DNAH10: variants seen among roughly 807,000 people sequenced by gnomAD.
DNAH10 encodes dynein axonemal heavy chain 10.
DNAH10 carries 348 observed loss-of-function variants against 506.6 expected under a neutral mutation model. The ratio of observed to expected loss-of-function variants is 0.69; its 90% CI spans 0.63 to 0.75. The LOEUF (loss-of-function observed/expected upper bound fraction) is 0.75, where lower values mean the gene tolerates loss of function less well. DNAH10 is among the 30% of genes least tolerant of loss of function. The pLI is 0.00. For synonymous variants in DNAH10, 2,059 were observed against 2,198.6 expected (o/e 0.94, Z 1.78); for missense variants, 5,179 against 5,787.1 (o/e 0.89, Z 3.41).
chr12:123,935,538 C>A lies in DNAH10; in HGVS notation c.*57C>A. The A allele has an allele frequency of 1.4e-6, 2 of 1,448,798 alleles. No individual in the cohort carries two copies. 89.7% of individuals were successfully genotyped at this position (1,448,798 alleles called of 1,614,324 possible). A position where few individuals can be genotyped will look rare whatever the true frequency, so the allele number is the denominator to read the frequency against. On this transcript the variant is annotated 3_prime_UTR_variant, in exon 79 of 79. Transcript: ENST00000673944. Reference sequence around the variant, plus strand: ...CGGAGCCTGGGGTTGTCAGAGTGATCGGGTCTGCTGTCATTTCTTGGGGCC... The same window carrying A: ...CGGAGCCTGGGGTTGTCAGAGTGATAGGGTCTGCTGTCATTTCTTGGGGCC...
At position 123,931,731 on chromosome 12, in the gene DNAH10, G is replaced by T; in HGVS notation, c.13012G>T (p.Val4338Leu). The T allele has an allele frequency of 6.2e-7, 1 of 1,614,062 alleles. No homozygotes were observed. The highest frequency in any genetic ancestry group is 1.1e-5 in the South Asian group (1 of 91,084). Reference protein sequence around the residue: ...KMPKVFDLDQVRKRLGTGLSP... With the variant: ...KMPKVFDLDQLRKRLGTGLSP... Reference sequence around the variant, plus strand: ...GCCCAAAGTCTTTGACTTGGACCAGGTGAGGAAGCGCCTCGGAACAGGACT... The same window carrying T: ...GCCCAAAGTCTTTGACTTGGACCAGTTGAGGAAGCGCCTCGGAACAGGACT... Residue 4338 changes from valine (V) to leucine (L), a missense_variant, in exon 75 of 79, where the codon GTG becomes TTG. By Grantham distance (32) the Val-to-Leu change is conservative. This residue lies in a region of DNAH10 where 4,844 missense variants were observed against 5,430.5 expected (regional missense o/e 0.89). Transcript: ENST00000673944.
rs180748576 is a variant in DNAH10, at chr12:123,853,835, C to T, written c.6438+483C>T. ...GCACGCACACACGCACGCACACACA[C>T]GCACACGCACGGACACACGCACGCG... On this transcript the variant is annotated intron_variant, in intron 36 of 78. Coordinates refer to ENST00000673944, the MANE Select transcript of DNAH10 (RefSeq NM_001372106.1). This position sits in a 1 kb window ranked among gnomAD's most constrained non-coding sequence, Gnocchi z 4.7. Among the ~76,000 whole-genome samples, 162 of 149,602 alleles carry T rather than the reference C, an allele frequency of 1.1e-3. No individual in the cohort carries two copies. Among genetic ancestry groups the T allele is most frequent in the Middle Eastern group, 3.4e-3 (1 of 290 alleles).
chr12:123,811,350 G>T (rs7977974), intron 19 of DNAH10, among the ~76,000 whole-genome samples: 34 of 150,572 alleles, frequency 2.3e-4, no homozygotes, highest in African/African-American at 8.3e-4. Context: ...TTGAGATGGA[G>T]TCTTGCTCTT....
At position 123,850,857 on chromosome 12, in the gene DNAH10, GCTT is replaced by G; in HGVS notation, c.6103-27_6103-25del. 1 of 1,589,064 alleles carries G rather than the reference GCTT, an allele frequency of 6.3e-7. No homozygotes were observed. Among genetic ancestry groups the G allele is most frequent in the South Asian group, 1.1e-5 (1 of 88,308 alleles). On this transcript the variant is annotated intron_variant, in intron 34 of 78. Coordinates refer to ENST00000673944, the MANE Select transcript of DNAH10 (RefSeq NM_001372106.1). This position sits in a 1 kb window ranked among gnomAD's most constrained non-coding sequence, Gnocchi z 5.5. ...GGCTGGCCGGCCGGGCCACCTAACT[GCTT>G]CTTTCTTTCTTCCTTCTTGCCCTCC...
chr12:123,898,677 G>A lies in DNAH10; in HGVS notation c.9503G>A (p.Gly3168Glu). Residue 3168 changes from glycine to glutamate, a missense_variant, in exon 56 of 79, where the codon GGA (glycine) becomes GAA (glutamate). Physicochemically the swap from Gly to Glu is moderately conservative, Grantham distance 98. Around this residue, in one of 3 missense-constraint regions of DNAH10, gnomAD observed 4,844 missense variants for 5,430.5 expected, o/e 0.89. Transcript: ENST00000673944. ...NIAQCKRLDG[G>E]LDKLKEATIQ... ...GCTCAGTGCAAGCGTCTGGATGGGG[G>A]ACTGGACAAGCTGAAGGAGGCCACC... is the stretch of plus-strand genomic sequence containing the variant. 6.3e-7 allele frequency: 1 copy of A among 1,593,038 alleles called. No homozygotes were observed. The highest frequency in any genetic ancestry group is 8.5e-7 in the Non-Finnish European group (1 of 1,170,044).
chr12:123,932,451 T>C (rs1275611679), intron 76 of DNAH10, among the ~76,000 whole-genome samples: 1 of 151,986 alleles, frequency 6.6e-6, no homozygotes, highest in African/African-American at 2.4e-5. Flanking sequence ...CCTAAAAATA[T>C]GGTAACTGCC....
chr12:123,853,206 A>G lies in DNAH10; in HGVS notation c.6292A>G (p.Thr2098Ala). Residue 2098 changes from threonine to alanine, a missense_variant and splice_region_variant, in exon 36 of 79, where the codon ACT becomes GCT. Coordinates refer to ENST00000673944, the MANE Select transcript of DNAH10 (RefSeq NM_001372106.1). The surrounding 1 kb of genome is among the most constrained non-coding windows in gnomAD (Gnocchi z 4.7). Reference sequence around the variant, plus strand: ...TGTATTATTATCTTCTATCAAAAAGACTCTGGCGAAAAAGATGACGGTTCT... The same window carrying G: ...TGTATTATTATCTTCTATCAAAAAGGCTCTGGCGAAAAAGATGACGGTTCT... ...LFSEGFLEAK[T>A]LAKKMTVLYK... 6.3e-7 allele frequency: 1 copy of G among 1,592,556 alleles called. No homozygotes were observed. Among genetic ancestry groups the G allele is most frequent in the Non-Finnish European group, 8.6e-7 (1 of 1,169,002 alleles).
chr12:123,888,582 G>T (rs1952841306), intron 52 of DNAH10, among the ~76,000 whole-genome samples: 1 of 152,196 alleles, frequency 6.6e-6, no homozygotes, highest in Non-Finnish European at 1.5e-5. Context: ...GGCAAAGAAG[G>T]ATTTTTCCCT....
chr12:123,813,068 A>C, intron 19 of DNAH10, 96 bp from the exon 20 acceptor site: 1 of 820,952 alleles, frequency 1.2e-6, no homozygotes, highest in Non-Finnish European at 1.9e-6. Context: ...GTGATTTTCC[A>C]TTACTGGCAA....
chr12:123,849,579 C>G (rs1340117119), intron 34 of DNAH10, among the ~76,000 whole-genome samples: 1 of 152,204 alleles, frequency 6.6e-6, no homozygotes, highest in African/African-American at 2.4e-5. Context: ...TGCTGTCCTT[C>G]TGCCTCTGTC....
chr12:123,782,382 TTTC>T (rs1171588121), intron 6 of DNAH10, among the ~76,000 whole-genome samples: 1 of 114,690 alleles, frequency 8.7e-6, no homozygotes, highest in Non-Finnish European at 1.7e-5. Flanking sequence ...TTCCCTTTTC[TTTC>T]TTTTCTTTCC....
At chr12:123,815,454 A>G (rs1487357218) in intron 21 of DNAH10, among the ~76,000 whole-genome samples, 1 of 152,214 alleles carries the variant, frequency 6.6e-6, no homozygotes, top group Non-Finnish European at 1.5e-5. Context: ...ACCATTTTAT[A>G]AACTGTGAAT....
At chr12:123,771,835 T>C in intron 3 of DNAH10, 137 bp downstream of exon 3, 1 of 714,752 alleles carries the variant, frequency 1.4e-6, no homozygotes, top group Non-Finnish European at 2.3e-6. Context: ...AAGGCCACCC[T>C]CAGATTCAGT....
chr12:123,775,622 C>A (rs114551108), intron 5 of DNAH10, among the ~76,000 whole-genome samples: 3 of 152,290 alleles, frequency 2.0e-5, no homozygotes, highest in African/African-American at 7.2e-5. Flanking sequence ...GAAGCAGCCT[C>A]AGCTTGGCCC....
At position 123,841,454 on chromosome 12, in the gene DNAH10, G is replaced by A. The variant is rs1345775950; in HGVS notation, c.5269G>A (p.Asp1757Asn). The change falls in exon 30 of 79, where the codon GAC becomes AAC. Residue 1757 changes from aspartate (D) to asparagine (N), a missense_variant. Coordinates refer to ENST00000673944, the MANE Select transcript of DNAH10 (RefSeq NM_001372106.1). The stretch of plus-strand genomic sequence containing the variant: ...CTTGCGGGCTGAAGGGCGCGTGGAG[G>A]ACTGGATGACGGCAGTTTTGAATGA... Reference protein sequence around the residue: ...KILRAEGRVEDWMTAVLNEMR... With the variant: ...KILRAEGRVENWMTAVLNEMR... 1.9e-6 allele frequency: 3 copies of A among 1,614,012 alleles called. No homozygotes were observed. The highest frequency in any genetic ancestry group is 2.2e-5 in the South Asian group (2 of 91,088).
chr12:123,846,543 C>T lies in DNAH10; in HGVS notation c.5814+389C>T, dbSNP rs938805212. Among the ~76,000 whole-genome samples the T allele has an allele frequency of 6.6e-6, 1 of 152,174 alleles. No homozygotes were observed. Among genetic ancestry groups the T allele is most frequent in the Non-Finnish European group, 1.5e-5 (1 of 68,040 alleles). ...TGGATGATAGAGATAGTGTCTCCCT[C>T]CAGGACAGAGGGTAAACTTGTTTGT... is the stretch of plus-strand genomic sequence containing the variant. On this transcript the variant is annotated intron_variant, in intron 32 of 78. Transcript: ENST00000673944. The surrounding 1 kb of genome is among the most constrained non-coding windows in gnomAD (Gnocchi z 4.5).
chr12:123,877,068 C>A (rs1004709847), intron 47 of DNAH10, among the ~76,000 whole-genome samples: 16 of 152,190 alleles, frequency 1.1e-4, no homozygotes, highest in African/African-American at 3.9e-4. Context: ...CAACGTCTAA[C>A]CCCAGAACAT....
intron 1 of DNAH10, among the ~76,000 whole-genome samples, chr12:123,766,355 T>C (rs906112497): frequency 6.6e-6 from 1 of 152,096 alleles, no homozygotes; most frequent in African/African-American, 2.4e-5. Flanking sequence ...CCATCTACAG[T>C]CTATATTTCT....
chr12:123,809,242 G>A (rs986846739), intron 19 of DNAH10, among the ~76,000 whole-genome samples: 1 of 152,060 alleles, frequency 6.6e-6, no homozygotes, highest in Non-Finnish European at 1.5e-5. Flanking sequence ...CTTCTCTCCT[G>A]TCCCCCCAGT....
Sources: allele counts gnomAD v4.1 joint callset (sites outside exome capture counted in the v4.1 genomes callset), GRCh38; gene constraint gnomAD v4.1.1; regional missense constraint gnomAD v4.1.1; non-coding constraint Gnocchi (gnomAD v3.1); transcripts MANE v1.5; gene names NCBI Gene and HGNC (gene_info 2026-07-23, HGNC 2026-07-21).